ITPR3: variants seen among roughly 807,000 people sequenced by gnomAD.
ITPR3 encodes the protein inositol 1,4,5-trisphosphate receptor type 3.
ITPR3 carries 173 observed loss-of-function variants against 293.2 expected under a neutral mutation model. The observed-to-expected ratio is 0.59, with a 90% confidence interval of 0.52 to 0.67. The LOEUF (loss-of-function observed/expected upper bound fraction) is 0.67. Ranked by LOEUF, ITPR3 falls within the 30% of genes least tolerant of loss-of-function variation. The pLI, the probability that ITPR3 is intolerant of heterozygous loss-of-function variation, is 0.00. For synonymous variants in ITPR3, 1,295 were observed against 1,444.4 expected (o/e 0.90, Z 2.35); for missense variants, 2,796 against 3,592.1 (o/e 0.78, Z 5.66).
chr6:33,626,433 C>A (rs1008523020), intron 1 of ITPR3, among the ~76,000 whole-genome samples: 1 of 152,194 alleles, frequency 6.6e-6, no homozygotes, highest in Non-Finnish European at 1.5e-5. Flanking sequence ...TTAAAAAGTT[C>A]TCCAGGTGGT....
In ITPR3 at chr6:33,685,444, A is replaced by G. The variant is rs200159806; in HGVS notation, c.5393A>G (p.Gln1798Arg). 64 of 1,613,972 alleles carry G rather than the reference A, an allele frequency of 4.0e-5. No individual in the cohort carries two copies. The highest frequency in any genetic ancestry group is 5.3e-5 in the Non-Finnish European group (62 of 1,180,012). The stretch of plus-strand genomic sequence containing the variant: ...CACGACCGCATGAAGCGGGCCCAGC[A>G]GGAGACCAAGTCCACGGTGGCAGTC... ...VLHDRMKRAQ[Q>R]ETKSTVAVNM... Residue 1798 changes from glutamine to arginine, a missense_variant, in exon 40 of 58, where the codon CAG (glutamine) becomes CGG (arginine). Physicochemically the swap from Gln to Arg is conservative, Grantham distance 43. Transcript: ENST00000605930.
chr6:33,622,172 C>T (rs560365167), intron 1 of ITPR3, among the ~76,000 whole-genome samples: 1 of 152,282 alleles, frequency 6.6e-6, no homozygotes, highest in Non-Finnish European at 1.5e-5. Context: ...TCACAGCTCT[C>T]TCCCTGTTCT....
chr6:33,674,734 G>C (rs1764861346), intron 24 of ITPR3, among the ~76,000 whole-genome samples: 1 of 152,198 alleles, frequency 6.6e-6, no homozygotes, highest in African/African-American at 2.4e-5. Flanking sequence ...ATAAAATAAA[G>C]CACATAACAA....
chr6:33,683,926 T>C lies in ITPR3; in HGVS notation c.4789-94T>C, dbSNP rs1345822138. 20 of 1,406,198 alleles carry C rather than the reference T, an allele frequency of 1.4e-5. No homozygotes were observed. The highest frequency in any genetic ancestry group is 2.8e-5 in the African/African-American group (2 of 70,552). 87.1% of individuals were successfully genotyped at this position (1,406,198 alleles called of 1,614,324 possible). A position where few individuals can be genotyped will look rare whatever the true frequency, so the allele number is the denominator to read the frequency against. On this transcript the variant is annotated intron_variant, in intron 35 of 57. Coordinates refer to ENST00000605930, the MANE Select transcript of ITPR3 (RefSeq NM_002224.4). The surrounding 1 kb of genome is among the most constrained non-coding windows in gnomAD (Gnocchi z 4.5). ...GGCCCCTCAGACAGAGGCAGGGCAA[T>C]CTGTGGGGCTGTTTGGCGTTTGGGT...
chr6:33,640,152 G>C (rs924848756), intron 1 of ITPR3, among the ~76,000 whole-genome samples: 36 of 152,094 alleles, frequency 2.4e-4, no homozygotes, highest in African/African-American at 8.5e-4. Context: ...GGGCAGCAGG[G>C]TCTCAGGGCT....
chr6:33,662,816 AACCC>A, intron 8 of ITPR3, 91 bp from the exon 9 acceptor site: 1 of 1,495,094 alleles, frequency 6.7e-7, no homozygotes, highest in Non-Finnish European at 9.0e-7. Context: ...GAGGGTCCAG[AACCC>A]ACCCACCCAG....
chr6:33,636,908 G>A (rs911545484), intron 1 of ITPR3, among the ~76,000 whole-genome samples: 4 of 152,140 alleles, frequency 2.6e-5, no homozygotes, highest in Non-Finnish European at 1.5e-5. Context: ...AGGAGACAGA[G>A]GACCCTCTGC....
At chr6:33,669,252 C>T (rs1481250944) in intron 18 of ITPR3, 96 bp downstream of exon 18, 2 of 1,299,724 alleles carry the variant, frequency 1.5e-6, no homozygotes, top group African/African-American at 1.5e-5. Flanking sequence ...GCTCTGACAG[C>T]CTCAGGTGGG....
At chr6:33,625,566 C>T (rs1034142675) in intron 1 of ITPR3, among the ~76,000 whole-genome samples, 1 of 152,184 alleles carries the variant, frequency 6.6e-6, no homozygotes, top group African/African-American at 2.4e-5. Context: ...TAGCCCCAGA[C>T]CCACAGAAAG....
In ITPR3 at chr6:33,668,519, C is replaced by G; in HGVS notation, c.1891C>G (p.Leu631Val). The change falls in exon 17 of 58, where the codon CTG becomes GTG. Residue 631 changes from leucine (L) to valine (V), a missense_variant. Coordinates refer to ENST00000605930, the MANE Select transcript of ITPR3 (RefSeq NM_002224.4). ...LVRKNREPRF[L>V]DYLSDLCVSN... ...CGCTGGCTGTCACCACCCCAGGTTC[C>G]TGGACTACCTCTCTGACCTGTGTGT... The G allele has an allele frequency of 1.9e-6, 3 of 1,614,184 alleles. No homozygotes were observed. Among genetic ancestry groups the G allele is most frequent in the Non-Finnish European group, 1.7e-6 (2 of 1,180,014 alleles).
chr6:33,674,355 GGCTCTTCCTCTCTGCC>G, intron 24 of ITPR3, 90 bp downstream of exon 24: 1 of 1,270,798 alleles, frequency 7.9e-7, no homozygotes, highest in Non-Finnish European at 1.1e-6. Context: ...GCTGGGGGCT[GGCTCTTCCTCTCTGCC>G]ATTCCCTCTG....
chr6:33,692,690 G>C lies in ITPR3; in HGVS notation c.7459-38G>C. 2 of 1,605,712 alleles carry C rather than the reference G, an allele frequency of 1.2e-6. No homozygotes were observed. Among genetic ancestry groups the C allele is most frequent in the Non-Finnish European group, 8.5e-7 (1 of 1,174,724 alleles). On this transcript the variant is annotated intron_variant, in intron 54 of 57. Transcript: ENST00000605930. The surrounding 1 kb of genome is among the most constrained non-coding windows in gnomAD (Gnocchi z 4.2). ...CCTATCTTGCCCCAGTGAATGTGGG[G>C]ACCACCGGGCCCAGCCTCCCTGCCT...
chr6:33,695,010 T>G lies in ITPR3; in HGVS notation c.7872T>G (p.Ile2624Met), dbSNP rs1159603691. 6.2e-7 allele frequency: 1 copy of G among 1,613,988 alleles called. No individual in the cohort carries two copies. The highest frequency in any genetic ancestry group is 2.2e-5 in the East Asian group (1 of 44,862). ...EGEGEQNEIR[I>M]LQDKLNSTMK... Reference sequence around the variant, plus strand: ...AGGGGGAGCAGAATGAGATTCGGATTCTCCAGGACAAGCTCAACTCCACCA... The same window carrying G: ...AGGGGGAGCAGAATGAGATTCGGATGCTCCAGGACAAGCTCAACTCCACCA... The change falls in exon 57 of 58, where the codon ATT (isoleucine) becomes ATG (methionine). Residue 2624 changes from isoleucine to methionine, a missense_variant. This residue lies in a region of ITPR3 where 568 missense variants were observed against 796.1 expected (regional missense o/e 0.71). Transcript: ENST00000605930.
Position 33,680,037 on chromosome 6 carries a change from C to G in ITPR3, c.4128C>G (p.Ala1376=), listed in dbSNP as rs769341049. 2 of 1,613,710 alleles carry G rather than the reference C, an allele frequency of 1.2e-6. No individual in the cohort carries two copies. Among genetic ancestry groups the G allele is most frequent in the African/African-American group, 2.7e-5 (2 of 74,910 alleles). Residue 1376 remains alanine, a synonymous_variant, in exon 31 of 58, where the codon GCC becomes GCG. Transcript: ENST00000605930. ...ISLVDLLAAC[A]EGKNVYTEIK... Reference sequence around the variant, plus strand: ...TGGTGGACCTGCTGGCCGCCTGTGCCGAGGGCAAAAACGTCTACACTGAGA... The same window carrying G: ...TGGTGGACCTGCTGGCCGCCTGTGCGGAGGGCAAAAACGTCTACACTGAGA...
At chr6:33,661,645 G>A (rs1269030968) in intron 7 of ITPR3, among the ~76,000 whole-genome samples, 1 of 152,108 alleles carries the variant, frequency 6.6e-6, no homozygotes, top group Non-Finnish European at 1.5e-5. Context: ...TTACAGAAGA[G>A]GCAACTGAGG....
chr6:33,683,427 C>A lies in ITPR3; in HGVS notation c.4788+30C>A. On this transcript the variant is annotated intron_variant, in intron 35 of 57. Transcript: ENST00000605930. This position sits in a 1 kb window ranked among gnomAD's most constrained non-coding sequence, Gnocchi z 4.5. ...GTGTGGGGCTGCCTGGCATCTGCCT[C>A]GGGAGCTGCTTGGTTGAGTCAGCAG... 6.8e-7 allele frequency: 1 copy of A among 1,473,030 alleles called. No individual in the cohort carries two copies. 91.2% of individuals were successfully genotyped at this position (1,473,030 alleles called of 1,614,324 possible).
At chr6:33,659,317 C>T (rs1300047419) in intron 6 of ITPR3, 149 bp from the exon 7 acceptor site, 39 of 872,860 alleles carry the variant, frequency 4.5e-5, no homozygotes, top group Non-Finnish European at 6.5e-5. Context: ...CCAAGGTAGC[C>T]GGGCTGGGGT....
chr6:33,686,207 T>G lies in ITPR3; in HGVS notation c.5822T>G (p.Leu1941Trp). The part of the protein sequence containing the change: ...EDNVGLVIQT[L>W]ETLTEYCQGP... ...AACGTGGGCCTCGTCATCCAGACCTTGGAGACCCTCACTGAGTACTGCCAG... is the reference window on the plus strand; with the variant it reads ...AACGTGGGCCTCGTCATCCAGACCTGGGAGACCCTCACTGAGTACTGCCAG... Residue 1941 changes from leucine to tryptophan, a missense_variant, in exon 42 of 58, where the codon TTG (leucine) becomes TGG (tryptophan). Physicochemically the swap from Leu to Trp is moderately conservative, Grantham distance 61. Around this residue, in one of 8 missense-constraint regions of ITPR3, gnomAD observed 704 missense variants for 797.5 expected, o/e 0.88. Coordinates refer to ENST00000605930, the MANE Select transcript of ITPR3 (RefSeq NM_002224.4). 6.2e-7 allele frequency: 1 copy of G among 1,613,984 alleles called. No individual in the cohort carries two copies. Among genetic ancestry groups the G allele is most frequent in the South Asian group, 1.1e-5 (1 of 91,074 alleles).
chr6:33,663,644 G>C (rs1284615841), intron 10 of ITPR3, 94 bp downstream of exon 10: 4 of 1,607,396 alleles, frequency 2.5e-6, no homozygotes, highest in Non-Finnish European at 2.6e-6. Context: ...AGGTGGGCTG[G>C]AGGGAGACAG....
Sources: gnomAD v4.1 joint callset for allele counts (sites outside exome capture counted in the v4.1 genomes callset) on GRCh38, gnomAD v4.1.1 for gene constraint, gnomAD v4.1.1 regional missense constraint, Gnocchi (gnomAD v3.1) non-coding constraint, MANE v1.5 for transcripts, NCBI Gene and HGNC (gene_info 2026-07-23, HGNC 2026-07-21) for gene names.